The following ATP1A4 variants were observed in gnomAD, a reference collection of about 807,000 sequenced individuals.
The protein encoded by ATP1A4 is sodium/potassium-transporting ATPase subunit alpha-4.
Under a neutral mutation model 114.3 loss-of-function variants are expected in ATP1A4, and 90 were observed. That is an observed-to-expected ratio of 0.79 (90% CI 0.66 to 0.94). ATP1A4 has a LOEUF of 0.94. Ranked by LOEUF, ATP1A4 falls within the 40% of genes least tolerant of loss-of-function variation. ATP1A4 has a pLI of 0.00. For synonymous variants in ATP1A4, 511 were observed against 494.1 expected (o/e 1.03, Z -0.45); for missense variants, 1,222 against 1,313.6 (o/e 0.93, Z 1.08).
At chr1:160,184,908 C>T (rs1254428272) in intron 20 of ATP1A4, among the ~76,000 whole-genome samples, 1 of 152,082 alleles carries the variant, frequency 6.6e-6, no homozygotes, top group Non-Finnish European at 1.5e-5. Flanking sequence ...TCAATATATT[C>T]GCCGACAAAG....
intron 6 of ATP1A4, among the ~76,000 whole-genome samples, chr1:160,162,503 G>C (rs1241534020): frequency 6.6e-6 from 1 of 152,192 alleles, no homozygotes; most frequent in Non-Finnish European, 1.5e-5. Context: ...AAGCAGGGAG[G>C]GGGCGCAAGT....
chr1:160,176,162 G>C lies in ATP1A4; in HGVS notation c.2382G>C (p.Thr794=). The C allele has an allele frequency of 6.2e-7, 1 of 1,613,972 alleles. No homozygotes were observed. The highest frequency in any genetic ancestry group is 1.6e-4 in the Middle Eastern group (1 of 6,062). ...TGACCAGCAACATCCCCGAGATCACGCCCTTCCTGATGTTCATCATCCTCG... is the reference window on the plus strand; with the variant it reads ...TGACCAGCAACATCCCCGAGATCACCCCCTTCCTGATGTTCATCATCCTCG... ...YTLTSNIPEI[T]PFLMFIILGI... The change falls in exon 16 of 22, where the codon ACG becomes ACC. Residue 794 remains threonine (T), a synonymous_variant. Coordinates refer to ENST00000368081, the MANE Select transcript of ATP1A4 (RefSeq NM_144699.4).
chr1:160,171,730 G>A lies in ATP1A4; in HGVS notation c.1827G>A (p.Val609=). The change falls in exon 12 of 22, where the codon GTG becomes GTA. Residue 609 remains valine, a synonymous_variant. Transcript: ENST00000368081. ...DPPRAAVPDA[V]SKCRSAGIKV... ...CCCGAGCTGCAGTGCCTGATGCTGT[G>A]AGCAAGTGTCGCAGTGCAGGAATTA... The A allele has an allele frequency of 6.2e-6, 10 of 1,614,140 alleles. No homozygotes were observed. The highest frequency in any genetic ancestry group is 8.5e-6 in the Non-Finnish European group (10 of 1,180,024).
rs763084383 is a variant in ATP1A4 at position 160,167,297 on chromosome 1, C to T, written c.1376C>T (p.Ala459Val). 1.2e-5 allele frequency: 19 copies of T among 1,607,220 alleles called. No individual in the cohort carries two copies. Among genetic ancestry groups the T allele is most frequent in the Middle Eastern group, 1.7e-4 (1 of 6,028 alleles). Residue 459 changes from alanine to valine, a missense_variant, in exon 10 of 22, where the codon GCT becomes GTT. Physicochemically the swap from Ala to Val is moderately conservative, Grantham distance 64 (BLOSUM62 0). Transcript: ENST00000368081. Reference sequence around the variant, plus strand: ...TGGCAGAGGGCCACAACAGGTGATGCTTCCGAGTCAGCCCTCCTCAAGTTC... The same window carrying T: ...TGGCAGAGGGCCACAACAGGTGATGTTTCCGAGTCAGCCCTCCTCAAGTTC... ...PIAKRATTGD[A>V]SESALLKFIE...
intron 17 of ATP1A4, 163 bp from the exon 18 acceptor site, chr1:160,177,356 A>C: frequency 1.6e-6 from 1 of 618,208 alleles, no homozygotes; most frequent in East Asian, 2.8e-5. Context: ...GAGATGAGAG[A>C]TAACAGGCTT....
chr1:160,152,255 C>T, intron 1 of ATP1A4, 68 bp downstream of exon 1: 1 of 1,537,780 alleles, frequency 6.5e-7, no homozygotes, highest in Admixed American at 2.0e-5. Flanking sequence ...TCTTTAACAT[C>T]TTACCTTGAG....
intron 6 of ATP1A4, 107 bp downstream of exon 6, chr1:160,159,633 A>C: frequency 3.1e-6 from 3 of 976,392 alleles, no homozygotes; most frequent in Non-Finnish European, 4.6e-6. Flanking sequence ...GCCAGTAAAA[A>C]GTCGAGCTTC....
At chr1:160,173,791 A>G in intron 13 of ATP1A4, 74 bp downstream of exon 13, 1 of 1,547,390 alleles carries the variant, frequency 6.5e-7, no homozygotes, top group Non-Finnish European at 8.8e-7. Flanking sequence ...ATGCCACTTT[A>G]CTAAAGTTCT....
At chr1:160,165,581 A>G (rs1190985824) in intron 7 of ATP1A4, among the ~76,000 whole-genome samples, 1 of 152,034 alleles carries the variant, frequency 6.6e-6, no homozygotes, top group East Asian at 1.9e-4. Context: ...AACACGGTGA[A>G]ACCCCGTCTC....
In ATP1A4 at chr1:160,176,502, T is replaced by A; in HGVS notation, c.2490T>A (p.Tyr830Ter). The A allele has an allele frequency of 6.2e-7, 1 of 1,614,218 alleles. No homozygotes were observed. The highest frequency in any genetic ancestry group is 8.5e-7 in the Non-Finnish European group (1 of 1,180,032). Residue 830 changes from tyrosine (Y) to a stop codon, truncating the protein, a stop_gained, in exon 17 of 22, where the codon TAT (tyrosine) becomes TAA (stop). Transcript: ENST00000368081. LOFTEE classifies it high-confidence loss of function. Reference sequence around the variant, plus strand: ...AGGTCCCTGCCATCTCCTTGGCTTATGAGTCAGCTGAAAGCGACATCATGA... The same window carrying A: ...AGGTCCCTGCCATCTCCTTGGCTTAAGAGTCAGCTGAAAGCGACATCATGA... ...TDMVPAISLA[Y>*]ESAESDIMKR... is the part of the protein sequence containing the mutation.
rs1015589385 is a variant in ATP1A4, at chr1:160,167,483, G to T, written c.1491+71G>T. On this transcript the variant is annotated intron_variant, in intron 10 of 21. Coordinates refer to ENST00000368081, the MANE Select transcript of ATP1A4 (RefSeq NM_144699.4). ...TTATCACTGGAACAAGGGGAGCTTTGCCTCTGCCTTCAACTTCACCTCGGA... is the reference window on the plus strand; with the variant it reads ...TTATCACTGGAACAAGGGGAGCTTTTCCTCTGCCTTCAACTTCACCTCGGA... The T allele has an allele frequency of 1.1e-5, 18 of 1,582,458 alleles. No homozygotes were observed. In the Admixed American group the frequency reaches 2.4e-4, roughly 21 times the overall value.
Position 160,173,425 on chromosome 1 carries a change from T to C in ATP1A4, c.1855-156T>C, listed in dbSNP as rs563982143. 7.2e-5 allele frequency among the ~76,000 whole-genome samples: 11 copies of C among 152,322 alleles called. No individual in the cohort carries two copies. In the South Asian group the frequency reaches 8.3e-4, roughly 11 times the overall value. ...CCACTCCCAAGGGTTGAAATCACAG[T>C]AGCATGGTTTTTGGTCTACACCACA... On this transcript the variant is annotated intron_variant, in intron 12 of 21. Transcript: ENST00000368081.
chr1:160,177,720 G>GA, intron 18 of ATP1A4, 56 bp downstream of exon 18: 9 of 1,596,576 alleles, frequency 5.6e-6, no homozygotes, highest in Non-Finnish European at 7.7e-6. Context: ...AGTGACAGGG[G>GA]AGAGTGAGTG....
At position 160,165,859 on chromosome 1, in the gene ATP1A4, C is replaced by T. The variant is rs367772313; in HGVS notation, c.1048-669C>T. 1.2e-4 allele frequency among the ~76,000 whole-genome samples: 18 copies of T among 152,256 alleles called. No individual in the cohort carries two copies. The East Asian group carries it at 2.3e-3, about 20-fold the overall frequency. On this transcript the variant is annotated intron_variant, in intron 7 of 21. Coordinates refer to ENST00000368081, the MANE Select transcript of ATP1A4 (RefSeq NM_144699.4). Reference sequence around the variant, plus strand: ...AAGATTGGACTTAAAGAGGTGTGGCCTAAACTTGAATGAAAAAGAGATTGC... The same window carrying T: ...AAGATTGGACTTAAAGAGGTGTGGCTTAAACTTGAATGAAAAAGAGATTGC...
chr1:160,173,777 C>A, intron 13 of ATP1A4, 60 bp downstream of exon 13: 1 of 1,570,464 alleles, frequency 6.4e-7, no homozygotes, highest in Non-Finnish European at 8.7e-7. Context: ...CCTGCCCCAC[C>A]CAGATGCCAC....
chr1:160,165,050 A>G (rs1652981938), intron 7 of ATP1A4, among the ~76,000 whole-genome samples: 1 of 152,188 alleles, frequency 6.6e-6, no homozygotes, highest in Non-Finnish European at 1.5e-5. Flanking sequence ...GATGGTAGCC[A>G]TTATGTCCCC....
chr1:160,164,522 A>G, intron 7 of ATP1A4, 98 bp downstream of exon 7: 1 of 1,292,844 alleles, frequency 7.7e-7, no homozygotes, highest in Non-Finnish European at 1.1e-6. Flanking sequence ...TTTCAAGTGC[A>G]GGGTCTTCCT....
chr1:160,176,586 G>A lies in ATP1A4; in HGVS notation c.2574G>A (p.Met858Ile), dbSNP rs1653472259. ...TGGTGAACCACCGTCTCATTGGCAT[G>A]GCCTATGGACAGATTGGTGCGCCCA... Reference protein sequence around the residue: ...DNLVNHRLIGMAYGQIGMIQA... With the variant: ...DNLVNHRLIGIAYGQIGMIQA... Residue 858 changes from methionine (M) to isoleucine (I), a missense_variant, in exon 17 of 22, where the codon ATG becomes ATA. Physicochemically the swap from Met to Ile is conservative, Grantham distance 10. Coordinates refer to ENST00000368081, the MANE Select transcript of ATP1A4 (RefSeq NM_144699.4). 6.2e-7 allele frequency: 1 copy of A among 1,614,124 alleles called. No individual in the cohort carries two copies.
intron 18 of ATP1A4, among the ~76,000 whole-genome samples, chr1:160,179,331 C>G (rs1653599190): frequency 6.6e-6 from 1 of 152,198 alleles, no homozygotes; most frequent in African/African-American, 2.4e-5. Flanking sequence ...CCTTGTTTTC[C>G]ATCTTGATAC....
Sources: allele counts gnomAD v4.1 joint callset (sites outside exome capture counted in the v4.1 genomes callset), GRCh38; gene constraint gnomAD v4.1.1; transcripts MANE v1.5; gene names NCBI Gene and HGNC (gene_info 2026-07-23, HGNC 2026-07-21).